Variants in RIT2 observed in about 807,000 individuals in gnomAD.
RIT2 encodes Ras like without CAAX 2, also known as GTP-binding protein Rit2.
RIT2 carries 24 observed loss-of-function variants against 23.7 expected under a neutral mutation model. The observed-to-expected ratio is 1.01, with a 90% CI of 0.73 to 1.43. The LOEUF (loss-of-function observed/expected upper bound fraction) is 1.43, where lower values mean the gene tolerates loss of function less well. Among genes scored for constraint, RIT2 ranks in the 40% most tolerant of loss-of-function variants. The pLI, the probability that RIT2 is intolerant of heterozygous loss-of-function variation, is 0.00. For missense variants in RIT2, 236 were observed against 266.9 expected (o/e 0.88, Z 0.81); for synonymous variants, 107 against 91.1 (o/e 1.17, Z -0.99).
intron 4 of RIT2, among the ~76,000 whole-genome samples, chr18:42,747,957 A>C (rs1912957174): frequency 6.6e-6 from 1 of 152,140 alleles, no homozygotes; most frequent in Admixed American, 6.6e-5. Flanking sequence ...CACTGGAAAA[A>C]TCCTTCTAGA....
chr18:42,748,321 A>G (rs920143397), intron 4 of RIT2, among the ~76,000 whole-genome samples: 1 of 152,120 alleles, frequency 6.6e-6, no homozygotes, highest in Non-Finnish European at 1.5e-5. Context: ...CAAATGACCA[A>G]CAAAAATATG....
intron 3 of RIT2, among the ~76,000 whole-genome samples, chr18:42,953,928 C>A (rs888040744): frequency 6.6e-6 from 1 of 152,104 alleles, no homozygotes; most frequent in Non-Finnish European, 1.5e-5. Context: ...AGAATGAACT[C>A]TATTTCTCAT....
At chr18:42,812,622 T>A (rs1905883426) in intron 4 of RIT2, among the ~76,000 whole-genome samples, 1 of 152,132 alleles carries the variant, frequency 6.6e-6, no homozygotes, top group South Asian at 2.1e-4. Flanking sequence ...TTATTTTATA[T>A]CCTTAGGGTT....
intron 1 of RIT2, among the ~76,000 whole-genome samples, chr18:43,107,940 G>A (rs1160775773): frequency 6.6e-6 from 1 of 151,596 alleles, no homozygotes; most frequent in Non-Finnish European, 1.5e-5. Context: ...GAGGCGGGTG[G>A]ATGACGAGGT....
At chr18:42,892,513 T>C (rs1345383936) in intron 4 of RIT2, among the ~76,000 whole-genome samples, 2 of 152,180 alleles carry the variant, frequency 1.3e-5, no homozygotes, top group African/African-American at 4.8e-5. Flanking sequence ...ACTAAATTGT[T>C]TTGCCCGTAT....
intron 2 of RIT2, among the ~76,000 whole-genome samples, chr18:42,983,026 A>C (rs1910631165): frequency 6.6e-6 from 1 of 152,130 alleles, no homozygotes; most frequent in South Asian, 2.1e-4. Flanking sequence ...TTTTAATTCC[A>C]CAATATAATG....
At chr18:43,090,021 A>C (rs916179467) in intron 1 of RIT2, among the ~76,000 whole-genome samples, 31 of 152,184 alleles carry the variant, frequency 2.0e-4, no homozygotes, top group African/African-American at 7.2e-4. Flanking sequence ...ATTGCAACAA[A>C]AGCAAAAATT....
chr18:42,979,030 C>T (rs191643291), intron 2 of RIT2, among the ~76,000 whole-genome samples: 20 of 152,136 alleles, frequency 1.3e-4, no homozygotes, highest in Admixed American at 4.6e-4. Context: ...AGCCATGAAA[C>T]TAAATTAAAA....
intron 2 of RIT2, among the ~76,000 whole-genome samples, chr18:42,978,253 G>C (rs959883244): frequency 2.0e-5 from 3 of 151,762 alleles, no homozygotes; most frequent in African/African-American, 7.3e-5. Flanking sequence ...TCCCTTCAAA[G>C]GGACTTGATG....
intron 2 of RIT2, among the ~76,000 whole-genome samples, chr18:43,027,698 C>T (rs1311155924): frequency 1.3e-5 from 2 of 152,048 alleles, no homozygotes; most frequent in Admixed American, 6.6e-5. Flanking sequence ...TAGTCTACGA[C>T]CTGGATGTGT....
In RIT2 at chr18:42,808,080, G is replaced by C. The variant is rs554073441; in HGVS notation, c.427-64360C>G. On this transcript the variant is annotated intron_variant, in intron 4 of 4. Transcript: ENST00000326695. ...GTATGCCAGAATAAATACGAACAAA[G>C]GATTAATGAATTCCTGGAAGACTTA... is the stretch of plus-strand genomic sequence containing the variant. Among the ~76,000 whole-genome samples the C allele has an allele frequency of 2.0e-5, 3 of 152,252 alleles. No individual in the cohort carries two copies. In the South Asian group the frequency reaches 6.2e-4, roughly 32 times the overall value.
intron 4 of RIT2, among the ~76,000 whole-genome samples, chr18:42,897,794 A>G (rs1379000356): frequency 6.6e-6 from 1 of 152,222 alleles, no homozygotes; most frequent in Admixed American, 6.5e-5. Context: ...CTGGTCTAGC[A>G]TCATTCAAAA....
chr18:42,907,053 T>C (rs1908641673), intron 4 of RIT2, among the ~76,000 whole-genome samples: 1 of 152,214 alleles, frequency 6.6e-6, no homozygotes. Context: ...GTGTGTGTTT[T>C]ATAACAAAAA....
intron 4 of RIT2, among the ~76,000 whole-genome samples, chr18:42,893,745 T>C (rs1016277760): frequency 1.3e-5 from 2 of 152,164 alleles, no homozygotes; most frequent in Non-Finnish European, 2.9e-5. Flanking sequence ...ATAATGAAGA[T>C]AGAAGGCAAG....
At chr18:42,803,631 C>A (rs1360476690) in intron 4 of RIT2, among the ~76,000 whole-genome samples, 3 of 152,128 alleles carry the variant, frequency 2.0e-5, no homozygotes, top group African/African-American at 4.8e-5. Flanking sequence ...GTTTCCTTGG[C>A]AACTCCACCT....
At chr18:43,075,882 T>C (rs1240516776) in intron 1 of RIT2, among the ~76,000 whole-genome samples, 1 of 152,210 alleles carries the variant, frequency 6.6e-6, no homozygotes, top group Non-Finnish European at 1.5e-5. Flanking sequence ...TGAAGATGAT[T>C]GAATTTTGTA....
At chr18:43,079,656 A>G (rs1913108338) in intron 1 of RIT2, among the ~76,000 whole-genome samples, 1 of 152,192 alleles carries the variant, frequency 6.6e-6, no homozygotes. Context: ...CCTTTCCCAT[A>G]ATTGAAGTCA....
intron 2 of RIT2, among the ~76,000 whole-genome samples, chr18:43,000,724 C>A (rs1598744031): frequency 6.6e-6 from 1 of 151,896 alleles, no homozygotes; most frequent in Non-Finnish European, 1.5e-5. Flanking sequence ...CCACTCCCAC[C>A]CCCCTGCAGC....
intron 4 of RIT2, among the ~76,000 whole-genome samples, chr18:42,790,259 T>C (rs150135449): frequency 1.4e-3 from 214 of 152,286 alleles, no homozygotes; most frequent in Admixed American, 2.4e-3. Flanking sequence ...ATCTGAGATA[T>C]AGCTAATCTT....
Sources: allele counts gnomAD v4.1 joint callset (sites outside exome capture counted in the v4.1 genomes callset), GRCh38; gene constraint gnomAD v4.1.1; transcripts MANE v1.5; gene names NCBI Gene and HGNC (gene_info 2026-07-23, HGNC 2026-07-21).